Variants in HPRT1 observed in about 807,000 individuals in gnomAD.
The protein encoded by HPRT1 is hypoxanthine-guanine phosphoribosyltransferase.
In HPRT1, 4 loss-of-function variants were observed where a neutral mutation model predicts 19.0. That is an observed-to-expected ratio of 0.21 (90% CI 0.10 to 0.48). The LOEUF is 0.48. Ranked by LOEUF, HPRT1 falls within the 20% of genes least tolerant of loss-of-function variation. The probability of loss-of-function intolerance (pLI) is 0.98; values close to 1 mark genes in which losing one functional copy is unlikely to be tolerated. For synonymous variants in HPRT1, 53 were observed against 54.9 expected (o/e 0.97, Z 0.15); for missense variants, 65 against 164.0 (o/e 0.40, Z 3.30).
chrX:134,486,653 TGG>T, intron 4 of HPRT1, 123 bp downstream of exon 4: 1 of 505,166 alleles, frequency 2.0e-6, no homozygotes, highest in Non-Finnish European at 3.6e-6. Flanking sequence ...ATTTAACCCT[TGG>T]AAGCAGTCTA....
chrX:134,473,002 C>G (rs1217751329), intron 1 of HPRT1, among the ~76,000 whole-genome samples: 2 of 111,329 alleles, frequency 1.8e-5, no homozygotes, highest in African/African-American at 6.5e-5. Flanking sequence ...ATTCTCCTGC[C>G]TCAGCCTCCC....
Position 134,460,304 on chromosome X carries a change from G to C in HPRT1, c.-8G>C. Reference sequence around the variant, plus strand: ...GAGCAGTCAGCCCGCGCGCCGGCCGGCTCCGTTATGGCGACCCGCAGCCCT... The same window carrying C: ...GAGCAGTCAGCCCGCGCGCCGGCCGCCTCCGTTATGGCGACCCGCAGCCCT... On this transcript the variant is annotated 5_prime_UTR_variant, in exon 1 of 9. Coordinates refer to ENST00000298556, the MANE Select transcript of HPRT1 (RefSeq NM_000194.3). The C allele has an allele frequency of 1.8e-6, 2 of 1,132,931 alleles. No homozygotes were observed. Among genetic ancestry groups the C allele is most frequent in the Non-Finnish European group, 2.3e-6 (2 of 860,442 alleles). 93.4% of individuals were successfully genotyped at this position (1,132,931 alleles called of 1,213,427 possible). A position where few individuals can be genotyped will look rare whatever the true frequency, so the allele number is the denominator to read the frequency against.
intron 1 of HPRT1, among the ~76,000 whole-genome samples, chrX:134,460,881 A>C (rs1173979492): frequency 9.0e-6 from 1 of 111,294 alleles, no homozygotes; most frequent in Non-Finnish European, 1.9e-5. Flanking sequence ...TTGAAGCCCC[A>C]CTACAGCTCT....
chrX:134,486,343 A>G (rs1173699264), intron 3 of HPRT1, 122 bp from the exon 4 acceptor site: 2 of 326,268 alleles, frequency 6.1e-6, no homozygotes, highest in African/African-American at 5.5e-5. Context: ...GATATTAGCT[A>G]GCTAACTTCT....
At chrX:134,468,225 T>G (rs2077602122) in intron 1 of HPRT1, among the ~76,000 whole-genome samples, 1 of 111,320 alleles carries the variant, frequency 9.0e-6, no homozygotes, top group African/African-American at 3.3e-5. Flanking sequence ...TATCTAACTC[T>G]CTCTAGTATG....
At chrX:134,497,636 A>G (rs1333635854) in intron 6 of HPRT1, among the ~76,000 whole-genome samples, 8 of 108,961 alleles carry the variant, frequency 7.3e-5, no homozygotes, top group African/African-American at 1.7e-4. Flanking sequence ...CCATCTCAAA[A>G]AAAAGAAAAG....
intron 1 of HPRT1, among the ~76,000 whole-genome samples, chrX:134,468,082 G>A (rs1319944474): frequency 2.8e-5 from 3 of 108,975 alleles, no homozygotes; most frequent in African/African-American, 1.0e-4. Flanking sequence ...AAAGTGCTGG[G>A]ATTACAGGCA....
intron 6 of HPRT1, among the ~76,000 whole-genome samples, chrX:134,493,900 G>A (rs750540142): frequency 1.8e-5 from 2 of 111,488 alleles, no homozygotes; most frequent in East Asian, 2.8e-4. Flanking sequence ...ATTCCAAAGC[G>A]GGTGAGGAAG....
At chrX:134,464,943 G>A (rs1203917524) in intron 1 of HPRT1, among the ~76,000 whole-genome samples, 3 of 108,825 alleles carry the variant, frequency 2.8e-5, no homozygotes, top group African/African-American at 1.0e-4. Flanking sequence ...TTTTTAAGAT[G>A]GAGTTTCACT....
chrX:134,492,514 T>A (rs1339107114), intron 5 of HPRT1: 1 of 328,590 alleles, frequency 3.0e-6, no homozygotes, highest in Non-Finnish European at 5.9e-6. Flanking sequence ...CTTCAGGTTG[T>A]TGGCAGAATT....
intron 3 of HPRT1, among the ~76,000 whole-genome samples, chrX:134,482,107 T>C (rs1043014204): frequency 9.0e-6 from 1 of 111,512 alleles, no homozygotes; most frequent in Non-Finnish European, 1.9e-5. Flanking sequence ...CAGGCTGGAG[T>C]GTAGTGGTGC....
At chrX:134,495,351 G>T (rs17879537) in intron 6 of HPRT1, among the ~76,000 whole-genome samples, 1 of 111,408 alleles carries the variant, frequency 9.0e-6, no homozygotes, top group East Asian at 2.8e-4. Flanking sequence ...TAATCTGAGC[G>T]ACTATTCCAT....
At chrX:134,493,394 G>T in intron 5 of HPRT1, 114 bp from the exon 6 acceptor site, 1 of 554,969 alleles carries the variant, frequency 1.8e-6, no homozygotes, top group Non-Finnish European at 3.2e-6. Flanking sequence ...TGTAGATTTT[G>T]GTGAGAATTA....
chrX:134,464,580 TTTTG>T (rs958256352), intron 1 of HPRT1, among the ~76,000 whole-genome samples: 1 of 111,742 alleles, frequency 8.9e-6, no homozygotes, highest in Admixed American at 9.6e-5. Context: ...TATCTTTTAT[TTTTG>T]TTTGTTTTTT....
chrX:134,463,122 T>C (rs370093329), intron 1 of HPRT1, among the ~76,000 whole-genome samples: 2 of 111,915 alleles, frequency 1.8e-5, no homozygotes, highest in African/African-American at 6.5e-5. Context: ...TAAACACTAG[T>C]ATGACCTTGG....
chrX:134,473,332 A>G, intron 1 of HPRT1, 27 bp from the exon 2 acceptor site: 1 of 882,032 alleles, frequency 1.1e-6, no homozygotes, highest in Non-Finnish European at 1.7e-6. Flanking sequence ...TAATGCTCTC[A>G]TTGAAACAGC....
chrX:134,475,025 T>C (rs1005869638), intron 2 of HPRT1, among the ~76,000 whole-genome samples, 156 bp from the exon 3 acceptor site: 6 of 110,475 alleles, frequency 5.4e-5, no homozygotes, highest in Non-Finnish European at 7.6e-5. Flanking sequence ...GGACTACAGG[T>C]ACATGCTACC....
At chrX:134,469,092 G>T (rs2077604543) in intron 1 of HPRT1, among the ~76,000 whole-genome samples, 1 of 110,539 alleles carries the variant, frequency 9.0e-6, no homozygotes, top group Admixed American at 9.8e-5. Flanking sequence ...ACTACAAGTA[G>T]ACTTGGTATA....
chrX:134,498,796 C>T, intron 8 of HPRT1, 112 bp downstream of exon 8: 3 of 558,652 alleles, frequency 5.4e-6, no homozygotes, highest in Non-Finnish European at 9.4e-6. Flanking sequence ...CTGATGGTTC[C>T]CATTAGTCAC....
Sources: allele counts gnomAD v4.1 joint callset (sites outside exome capture counted in the v4.1 genomes callset), GRCh38; gene constraint gnomAD v4.1.1; transcripts MANE v1.5; gene names NCBI Gene and HGNC (gene_info 2026-07-23, HGNC 2026-07-21).